The following VPS25 variants were observed in gnomAD, a reference collection of about 807,000 sequenced individuals.
VPS25 encodes vacuolar protein sorting 25 homolog.
VPS25 carries 21 observed loss-of-function variants against 30.3 expected under a neutral mutation model. The ratio of observed to expected loss-of-function variants is 0.69; its 90% CI spans 0.49 to 1.00. The LOEUF (loss-of-function observed/expected upper bound fraction) is 1.00. VPS25 is among the 50% of genes least tolerant of loss of function. The pLI, the probability that VPS25 is intolerant of heterozygous loss-of-function variation, is 0.00. For missense variants in VPS25, 156 were observed against 217.2 expected, an observed-to-expected ratio of 0.72 and a Z score of 1.77; for synonymous variants, 101 against 88.1, an observed-to-expected ratio of 1.15 and a Z score of -0.82.
At chr17:42,776,669 T>G (rs1249085399) in intron 5 of VPS25, among the ~76,000 whole-genome samples, 1 of 150,594 alleles carries the variant, frequency 6.6e-6, no homozygotes, top group Non-Finnish European at 1.5e-5. Context: ...GCCTGTTTTT[T>G]TTTTTTTTTT....
In VPS25 at chr17:42,775,366, G is replaced by A. The variant is rs2054430533; in HGVS notation, c.254-15G>A. The A allele has an allele frequency of 1.9e-6, 3 of 1,609,972 alleles. No individual in the cohort carries two copies. The highest frequency in any genetic ancestry group is 2.2e-5 in the South Asian group (2 of 90,850). ...TGCGCGCCTGGTTATGCTTTCATAA[G>A]TATCTGTTTTACAGGGAACCTCGAG... On this transcript the variant is annotated splice_polypyrimidine_tract_variant and intron_variant, in intron 3 of 5. Transcript: ENST00000253794.
chr17:42,773,961 C>T, intron 2 of VPS25, 83 bp downstream of exon 2: 1 of 1,485,750 alleles, frequency 6.7e-7, no homozygotes, highest in South Asian at 1.3e-5. Flanking sequence ...CCCGCGCCAG[C>T]CCCCTTTTAC....
chr17:42,776,078 T>G (rs1286303673), intron 4 of VPS25, among the ~76,000 whole-genome samples, 167 bp from the exon 5 acceptor site: 1 of 152,164 alleles, frequency 6.6e-6, no homozygotes, highest in Non-Finnish European at 1.5e-5. Flanking sequence ...CACATATAAA[T>G]ATAGCACTTG....
At chr17:42,776,150 G>A in intron 4 of VPS25, 95 bp from the exon 5 acceptor site, 1 of 1,087,398 alleles carries the variant, frequency 9.2e-7, no homozygotes, top group Non-Finnish European at 1.4e-6. Flanking sequence ...TTGGGAATAG[G>A]TATCATTCCT....
At chr17:42,773,654 ACTTT>A in intron 1 of VPS25, 75 bp from the exon 2 acceptor site, 1 of 1,604,824 alleles carries the variant, frequency 6.2e-7, no homozygotes, top group Non-Finnish European at 8.5e-7. Context: ...TCAGTCCCTT[ACTTT>A]CTTCCTGAAA....
In VPS25 at chr17:42,776,290, C is replaced by A; in HGVS notation, c.388C>A (p.Leu130Met). ...CAACTCCGTCTTTACCCTGTATGAA[C>A]TGACTAATGGGGAAGACACAGAGGA... ...QNNSVFTLYELTNGEDTEDEE... is the reference protein window; with the variant it reads ...QNNSVFTLYEMTNGEDTEDEE... The change falls in exon 5 of 6, where the codon CTG (leucine) becomes ATG (methionine). Residue 130 changes from leucine (L) to methionine (M), a missense_variant. Physicochemically the swap from Leu to Met is conservative, Grantham distance 15. Coordinates refer to ENST00000253794, the MANE Select transcript of VPS25 (RefSeq NM_032353.4). 6.2e-7 allele frequency: 1 copy of A among 1,613,692 alleles called. No homozygotes were observed. The highest frequency in any genetic ancestry group is 8.5e-7 in the Non-Finnish European group (1 of 1,179,992).
At chr17:42,773,958 C>T (rs1460303138) in intron 2 of VPS25, 80 bp downstream of exon 2, 1 of 1,510,786 alleles carries the variant, frequency 6.6e-7, no homozygotes, top group Middle Eastern at 1.7e-4. Context: ...CCCCCCGCGC[C>T]AGCCCCCTTT....
Position 42,775,484 on chromosome 17 carries a change from C to T in VPS25, c.342+15C>T. The T allele has an allele frequency of 1.3e-6, 2 of 1,599,996 alleles. No homozygotes were observed. The highest frequency in any genetic ancestry group is 2.2e-5 in the East Asian group (1 of 44,770). On this transcript the variant is annotated intron_variant, in intron 4 of 5. Transcript: ENST00000253794. ...TCTATCAGTGGGTGAGATCATTATT[C>T]TGCCAAGTATTCAACAGTGACCCAT... is the stretch of plus-strand genomic sequence containing the variant.
At chr17:42,774,126 A>G (rs2143961869) in intron 2 of VPS25, 1 of 417,852 alleles carries the variant, frequency 2.4e-6, no homozygotes, top group African/African-American at 2.0e-5. Flanking sequence ...CCCTGAAGCC[A>G]AGTTCCAAGT....
At chr17:42,778,052 A>G (rs1383650571) in intron 5 of VPS25, among the ~76,000 whole-genome samples, 3 of 152,126 alleles carry the variant, frequency 2.0e-5, no homozygotes, top group African/African-American at 7.2e-5. Context: ...TCAGAAAGCA[A>G]GCTCCCTGAC....
intron 1 of VPS25, 67 bp downstream of exon 1, chr17:42,773,595 C>T (rs1021511769): frequency 6.2e-7 from 1 of 1,611,500 alleles, no homozygotes; most frequent in South Asian, 1.1e-5. Context: ...GGGCTCAGCC[C>T]TGATGCTTCA....
intron 1 of VPS25, 33 bp from the exon 2 acceptor site, chr17:42,773,700 C>T (rs1568022540): frequency 1.2e-6 from 2 of 1,610,774 alleles, no homozygotes; most frequent in Admixed American, 3.3e-5. Context: ...CTCCCGCCCT[C>T]TAATTCTGCG....
In VPS25 at chr17:42,778,475, G is replaced by A. The variant is rs574292443; in HGVS notation, c.419-482G>A. ...TCTGGGATTACAGGCGTGAGCCACC[G>A]CGCCTGGCCTGTGCTCCCAGCTAAA... On this transcript the variant is annotated intron_variant, in intron 5 of 5. Coordinates refer to ENST00000253794, the MANE Select transcript of VPS25 (RefSeq NM_032353.4). 2.6e-5 allele frequency among the ~76,000 whole-genome samples: 4 copies of A among 152,298 alleles called. No homozygotes were observed. The East Asian group carries it at 5.8e-4, about 22-fold the overall frequency.
intron 2 of VPS25, chr17:42,774,101 G>A (rs961578968): frequency 1.2e-5 from 6 of 481,342 alleles, no homozygotes; most frequent in Non-Finnish European, 2.1e-5. Flanking sequence ...TGTCATTAAG[G>A]TCTTAGAATT....
intron 1 of VPS25, 59 bp downstream of exon 1, chr17:42,773,587 G>C: frequency 6.2e-7 from 1 of 1,613,354 alleles, no homozygotes; most frequent in Non-Finnish European, 8.5e-7. Context: ...CGGACCCTGG[G>C]CTCAGCCCTG....
At position 42,773,796 on chromosome 17, in the gene VPS25, C is replaced by G. The variant is rs1222954207; in HGVS notation, c.117C>G (p.Ser39=). The G allele has an allele frequency of 2.5e-6, 4 of 1,614,192 alleles. No homozygotes were observed. Among genetic ancestry groups the G allele is most frequent in the African/African-American group, 1.3e-5 (1 of 75,054 alleles). ...QLAAWCSLVL[S]FCRLHKQSSM... is the part of the protein sequence containing the mutation. ...CCGCCTGGTGCTCGCTGGTCCTGTCCTTCTGCCGCCTGCACAAACAGTCCA... is the reference window on the plus strand; with the variant it reads ...CCGCCTGGTGCTCGCTGGTCCTGTCGTTCTGCCGCCTGCACAAACAGTCCA... The change falls in exon 2 of 6, where the codon TCC becomes TCG. Residue 39 remains serine (S), a synonymous_variant. Transcript: ENST00000253794.
At chr17:42,774,529 T>C (rs2054426304) in intron 2 of VPS25, 117 bp from the exon 3 acceptor site, 1 of 682,592 alleles carries the variant, frequency 1.5e-6, no homozygotes, top group Admixed American at 2.7e-5. Context: ...TGTTGGGAAA[T>C]TGCACACATA....
chr17:42,774,863 T>G lies in VPS25; in HGVS notation c.253+164T>G. On this transcript the variant is annotated intron_variant, in intron 3 of 5. Transcript: ENST00000253794. ...CCCAATTCCCAAGTCCTTTCTTCTTTGTACACAAAATTGAAATCTCTGTCT... is the reference window on the plus strand; with the variant it reads ...CCCAATTCCCAAGTCCTTTCTTCTTGGTACACAAAATTGAAATCTCTGTCT... The G allele has an allele frequency of 5.4e-6, 3 of 555,840 alleles. No individual in the cohort carries two copies. In the South Asian group the frequency reaches 9.2e-5, roughly 17 times the overall value. The allele number at this position is 555,840 out of a possible 1,614,324, so 34.4% of individuals were successfully genotyped here. A position where few individuals can be genotyped will look rare whatever the true frequency, so the allele number is the denominator to read the frequency against.
chr17:42,775,981 G>C (rs1165540082), intron 4 of VPS25, among the ~76,000 whole-genome samples: 6 of 152,184 alleles, frequency 3.9e-5, no homozygotes, highest in Non-Finnish European at 7.3e-5. Flanking sequence ...ATCCATTCTT[G>C]AACAGGAAAA....
Sources: allele counts gnomAD v4.1 joint callset (sites outside exome capture counted in the v4.1 genomes callset), GRCh38; gene constraint gnomAD v4.1.1; transcripts MANE v1.5; gene names NCBI Gene and HGNC (gene_info 2026-07-23, HGNC 2026-07-21).